Variants in NALF1 observed in about 807,000 individuals in gnomAD.
NALF1 encodes family with sequence similarity 155 member A.
A neutral mutation model predicts 48.4 loss-of-function variants in NALF1; 3 were observed. The ratio of observed to expected loss-of-function variants is 0.06; its 90% CI spans 0.03 to 0.16. NALF1 has a LOEUF of 0.16. NALF1 is among the 10% of genes least tolerant of loss of function. The pLI is 1.00. For synonymous variants in NALF1, 262 were observed against 245.7 expected (o/e 1.07, Z -0.62); for missense variants, 526 against 571.5 (o/e 0.92, Z 0.81).
chr13:107,531,842 A>T (rs1876650062), intron 1 of NALF1, among the ~76,000 whole-genome samples: 1 of 152,082 alleles, frequency 6.6e-6, no homozygotes, highest in Non-Finnish European at 1.5e-5. Flanking sequence ...TGTCATGTGA[A>T]GTATTATCTA....
At chr13:107,292,676 T>G (rs1881646148) in intron 1 of NALF1, among the ~76,000 whole-genome samples, 1 of 152,198 alleles carries the variant, frequency 6.6e-6, no homozygotes, top group African/African-American at 2.4e-5. Context: ...AAAGCCTTCT[T>G]CTATAATACC....
intron 1 of NALF1, among the ~76,000 whole-genome samples, chr13:107,692,847 G>A (rs966228307): frequency 1.3e-5 from 2 of 152,156 alleles, no homozygotes; most frequent in African/African-American, 4.8e-5. Flanking sequence ...ACAACTAGAA[G>A]AGCAGGAGCA....
chr13:107,577,738 C>T (rs1391799033), intron 1 of NALF1, among the ~76,000 whole-genome samples: 3 of 152,114 alleles, frequency 2.0e-5, no homozygotes, highest in Non-Finnish European at 4.4e-5. Flanking sequence ...AAGACCACCC[C>T]GTTCTTGAAA....
At chr13:107,372,164 C>T (rs1232305802) in intron 1 of NALF1, among the ~76,000 whole-genome samples, 2 of 152,170 alleles carry the variant, frequency 1.3e-5, no homozygotes, top group African/African-American at 4.8e-5. Flanking sequence ...AACTAAAGTC[C>T]CTGTTTCTTT....
chr13:107,506,763 T>C (rs1442619960), intron 1 of NALF1, among the ~76,000 whole-genome samples: 1 of 152,128 alleles, frequency 6.6e-6, no homozygotes, highest in East Asian at 1.9e-4. Flanking sequence ...TTTATCCATT[T>C]ATCTTTATCC....
intron 1 of NALF1, among the ~76,000 whole-genome samples, chr13:107,553,088 T>C (rs1322160447): frequency 6.6e-6 from 1 of 152,080 alleles, no homozygotes; most frequent in Non-Finnish European, 1.5e-5. Flanking sequence ...CATCAATATA[T>C]AGTAAATGAA....
rs1875536233 is a variant in NALF1 at position 107,710,490 on chromosome 13, C to T, written c.915+155192G>A. ...ATGAAGAAAAGAGGTTTAATTGACT[C>T]ACAATTATGCATGGCTGGGGAAGCC... On this transcript the variant is annotated intron_variant, in intron 1 of 2. Coordinates refer to ENST00000375915, the MANE Select transcript of NALF1 (RefSeq NM_001080396.3). 4.0e-5 allele frequency among the ~76,000 whole-genome samples: 6 copies of T among 150,528 alleles called. 1 individual carries two copies. Among genetic ancestry groups the T allele is most frequent in the Admixed American group, 2.6e-4 (4 of 15,220 alleles).
At chr13:107,764,691 A>C (rs143388354) in intron 1 of NALF1, among the ~76,000 whole-genome samples, 73 of 152,274 alleles carry the variant, frequency 4.8e-4, no homozygotes, top group African/African-American at 1.4e-3. Flanking sequence ...AATATTGAGA[A>C]GTCTCTCCTA....
chr13:107,244,998 T>C (rs545141000), intron 1 of NALF1, among the ~76,000 whole-genome samples: 1 of 152,266 alleles, frequency 6.6e-6, no homozygotes, highest in Admixed American at 6.5e-5. Context: ...AGCAAGAATA[T>C]TGTCATTTTT....
At chr13:107,240,503 TTTAGTAAG>T (rs1432850653) in intron 1 of NALF1, among the ~76,000 whole-genome samples, 5 of 152,168 alleles carry the variant, frequency 3.3e-5, no homozygotes, top group Admixed American at 3.3e-4. Context: ...GAAATATGTA[TTTAGTAAG>T]TGGTTATCTA....
At chr13:107,463,608 T>G (rs958073691) in intron 1 of NALF1, among the ~76,000 whole-genome samples, 8 of 152,224 alleles carry the variant, frequency 5.3e-5, no homozygotes. Context: ...GAAACCGATG[T>G]ACAGGTATTA....
At chr13:107,735,100 C>T (rs1876427932) in intron 1 of NALF1, among the ~76,000 whole-genome samples, 3 of 151,812 alleles carry the variant, frequency 2.0e-5, no homozygotes, top group Non-Finnish European at 4.4e-5. Context: ...GGGCTGAGAG[C>T]CCAGAAACAC....
At chr13:107,692,702 G>GA (rs959045223) in intron 1 of NALF1, among the ~76,000 whole-genome samples, 6 of 152,022 alleles carry the variant, frequency 3.9e-5, no homozygotes, top group African/African-American at 1.4e-4. Context: ...CACAAACCTG[G>GA]AAAAAGAATG....
intron 1 of NALF1, among the ~76,000 whole-genome samples, chr13:107,647,027 C>T (rs965799048): frequency 2.6e-5 from 4 of 152,014 alleles, no homozygotes; most frequent in African/African-American, 9.7e-5. Context: ...TAAAGACTTA[C>T]ATACTAGAAT....
At chr13:107,750,520 A>G (rs968674633) in intron 1 of NALF1, among the ~76,000 whole-genome samples, 2 of 152,280 alleles carry the variant, frequency 1.3e-5, no homozygotes, top group Admixed American at 6.5e-5. Context: ...AGTTTTTTAA[A>G]AGATTGAGAA....
chr13:107,688,826 G>A (rs1345304512), intron 1 of NALF1, among the ~76,000 whole-genome samples: 1 of 152,162 alleles, frequency 6.6e-6, no homozygotes, highest in Non-Finnish European at 1.5e-5. Context: ...AGAGGTCAGA[G>A]GCAGAGGTTG....
intron 1 of NALF1, among the ~76,000 whole-genome samples, chr13:107,240,888 TAGAA>T (rs1459524260): frequency 6.6e-6 from 1 of 151,870 alleles, no homozygotes; most frequent in African/African-American, 2.4e-5. Context: ...AACTATGTCT[TAGAA>T]TGGTGTCTTA....
intron 1 of NALF1, among the ~76,000 whole-genome samples, chr13:107,830,150 G>C (rs1181598995): frequency 1.3e-5 from 2 of 152,228 alleles, no homozygotes; most frequent in Non-Finnish European, 2.9e-5. Flanking sequence ...ACCGCCTCTT[G>C]TGCATTCCAG....
At chr13:107,541,498 G>T (rs1876998191) in intron 1 of NALF1, among the ~76,000 whole-genome samples, 3 of 152,116 alleles carry the variant, frequency 2.0e-5, no homozygotes, top group African/African-American at 7.2e-5. Flanking sequence ...GAGAGAGGAA[G>T]AAAGGGAGGG....
Sources: gnomAD v4.1 joint callset for allele counts (sites outside exome capture counted in the v4.1 genomes callset) on GRCh38, gnomAD v4.1.1 for gene constraint, MANE v1.5 for transcripts, NCBI Gene and HGNC (gene_info 2026-07-23, HGNC 2026-07-21) for gene names.